Variants in SPOCK1 observed in about 807,000 individuals in gnomAD.
SPOCK1 encodes SPARC (osteonectin), cwcv and kazal like domains proteoglycan 1.
A neutral mutation model predicts 55.3 loss-of-function variants in SPOCK1; 23 were observed. That is an observed-to-expected ratio of 0.42 (90% CI 0.30 to 0.59). SPOCK1 has a LOEUF of 0.59. SPOCK1 is among the 20% of genes least tolerant of loss of function. The pLI is 0.22. For missense variants in SPOCK1, 499 were observed against 552.5 expected (o/e 0.90, Z 0.97); for synonymous variants, 226 against 221.0 (o/e 1.02, Z -0.20).
At chr5:137,079,945 T>TTTCTTCCCGA (rs58522139) in intron 5 of SPOCK1, among the ~76,000 whole-genome samples, 2 of 151,766 alleles carry the variant, frequency 1.3e-5, no homozygotes, top group East Asian at 3.9e-4. Flanking sequence ...CCTCTAATAT[T>TTTCTTCCCGA]TTATAATTTA....
At chr5:137,263,149 G>A (rs1170901783) in intron 3 of SPOCK1, among the ~76,000 whole-genome samples, 1 of 152,050 alleles carries the variant, frequency 6.6e-6, no homozygotes, top group Non-Finnish European at 1.5e-5. Context: ...TACCTCCTCT[G>A]AGTATCTGAT....
intron 2 of SPOCK1, among the ~76,000 whole-genome samples, chr5:137,364,469 G>T (rs1272444275): frequency 1.3e-5 from 2 of 152,174 alleles, no homozygotes; most frequent in South Asian, 2.1e-4. Flanking sequence ...CTTTGGATGG[G>T]GTAGATAAGC....
At chr5:137,278,018 C>T (rs1457758884) in intron 2 of SPOCK1, among the ~76,000 whole-genome samples, 2 of 152,180 alleles carry the variant, frequency 1.3e-5, no homozygotes, top group African/African-American at 4.8e-5. Context: ...GATGTAGTGG[C>T]TTTAGCATGA....
At chr5:137,438,121 G>A (rs1308868706) in intron 2 of SPOCK1, among the ~76,000 whole-genome samples, 4 of 151,976 alleles carry the variant, frequency 2.6e-5, no homozygotes, top group Non-Finnish European at 5.9e-5. Flanking sequence ...AATACATTAT[G>A]AGCTTTTTTA....
At chr5:137,131,989 A>AAAAAATAT (rs1391176339) in intron 4 of SPOCK1, among the ~76,000 whole-genome samples, 3 of 36,054 alleles carry the variant, frequency 8.3e-5, no homozygotes, top group Admixed American at 4.6e-4. Flanking sequence ...AAAAAAAAAA[A>AAAAAATAT]ATATATATAT....
chr5:137,051,057 A>G (rs1314777498), intron 6 of SPOCK1, among the ~76,000 whole-genome samples: 1 of 152,240 alleles, frequency 6.6e-6, no homozygotes, highest in East Asian at 1.9e-4. Context: ...ATGATTTTGA[A>G]TATCGTCGGA....
At chr5:137,408,500 C>T (rs1207937269) in intron 2 of SPOCK1, among the ~76,000 whole-genome samples, 1 of 152,216 alleles carries the variant, frequency 6.6e-6, no homozygotes, top group Non-Finnish European at 1.5e-5. Flanking sequence ...GCCCTTGAAA[C>T]ACATCAGTTC....
chr5:137,094,062 A>G (rs1234237618), intron 5 of SPOCK1, among the ~76,000 whole-genome samples: 1 of 152,230 alleles, frequency 6.6e-6, no homozygotes, highest in Non-Finnish European at 1.5e-5. Context: ...AAATCAGGAT[A>G]TAGTTTAGAG....
intron 2 of SPOCK1, among the ~76,000 whole-genome samples, chr5:137,270,055 C>T (rs369127199): frequency 9.8e-5 from 15 of 152,322 alleles, no homozygotes; most frequent in East Asian, 1.9e-4. Flanking sequence ...GTGTCTGCCC[C>T]GGCACGATCC....
intron 8 of SPOCK1, among the ~76,000 whole-genome samples, chr5:136,987,579 T>C (rs1266115555): frequency 6.6e-6 from 1 of 152,180 alleles, no homozygotes; most frequent in Non-Finnish European, 1.5e-5. Context: ...GAACATATCT[T>C]GAAATCCCAT....
chr5:136,991,092 T>C (rs945251858), intron 7 of SPOCK1, among the ~76,000 whole-genome samples: 22 of 152,218 alleles, frequency 1.4e-4, no homozygotes, highest in African/African-American at 5.1e-4. Context: ...CCTAAAAGCC[T>C]CTTAGGGGAC....
chr5:137,265,124 GT>G (rs1756824755), intron 3 of SPOCK1, among the ~76,000 whole-genome samples: 1 of 152,268 alleles, frequency 6.6e-6, no homozygotes, highest in Admixed American at 6.5e-5. Flanking sequence ...ACCTGCTCAG[GT>G]TTAAAGACGG....
intron 6 of SPOCK1, among the ~76,000 whole-genome samples, chr5:136,996,146 G>T (rs975075959): frequency 6.6e-6 from 1 of 152,224 alleles, no homozygotes; most frequent in Non-Finnish European, 1.5e-5. Flanking sequence ...CCCAATAAAG[G>T]TGTGAACAGG....
At chr5:137,035,592 T>G (rs1751868945) in intron 6 of SPOCK1, among the ~76,000 whole-genome samples, 1 of 152,166 alleles carries the variant, frequency 6.6e-6, no homozygotes, top group African/African-American at 2.4e-5. Context: ...AGACCATCCC[T>G]CAGGGTGGGG....
chr5:137,268,758 G>A (rs755317609), intron 2 of SPOCK1, among the ~76,000 whole-genome samples: 2 of 152,174 alleles, frequency 1.3e-5, no homozygotes, highest in African/African-American at 2.4e-5. Flanking sequence ...TCCAACTGTG[G>A]TTTATCAATG....
At chr5:137,071,954 C>T (rs1391676080) in intron 5 of SPOCK1, among the ~76,000 whole-genome samples, 1 of 152,208 alleles carries the variant, frequency 6.6e-6, no homozygotes, top group Admixed American at 6.5e-5. Flanking sequence ...GTTAGTGGCG[C>T]TTTGTTACAG....
intron 2 of SPOCK1, among the ~76,000 whole-genome samples, chr5:137,351,427 C>T (rs1750676470): frequency 6.6e-6 from 1 of 152,226 alleles, no homozygotes; most frequent in African/African-American, 2.4e-5. Context: ...CATCATTCTG[C>T]TGATTCCAAG....
At chr5:136,988,325 C>T (rs1750881304) in intron 8 of SPOCK1, 97 bp downstream of exon 8, 3 of 878,340 alleles carry the variant, frequency 3.4e-6, no homozygotes, top group Non-Finnish European at 5.4e-6. Context: ...TATTCTCTGG[C>T]TGTGGCTCTC....
intron 2 of SPOCK1, among the ~76,000 whole-genome samples, chr5:137,449,567 T>C (rs938300288): frequency 8.6e-5 from 13 of 152,016 alleles, no homozygotes; most frequent in Non-Finnish European, 1.3e-4. Flanking sequence ...TTTCCTTATC[T>C]GTAAAATGAG....
Sources: allele counts gnomAD v4.1 joint callset (sites outside exome capture counted in the v4.1 genomes callset), GRCh38; gene constraint gnomAD v4.1.1; transcripts MANE v1.5; gene names NCBI Gene and HGNC (gene_info 2026-07-23, HGNC 2026-07-21).